DOP1A: variants seen among roughly 807,000 people sequenced by gnomAD.
DOP1A encodes protein DOP1A.
A neutral mutation model predicts 267.6 loss-of-function variants in DOP1A; 90 were observed. The observed-to-expected ratio is 0.34, with a 90% CI of 0.28 to 0.40. The LOEUF is 0.40. Ranked by LOEUF, DOP1A falls within the 10% of genes least tolerant of loss-of-function variation. The probability of loss-of-function intolerance (pLI) is 1.00; values close to 1 mark genes in which losing one functional copy is unlikely to be tolerated. For missense variants in DOP1A, 2,437 were observed against 2,900.4 expected, an observed-to-expected ratio of 0.84 and a Z score of 3.67; for synonymous variants, 932 against 999.1, an observed-to-expected ratio of 0.93 and a Z score of 1.27.
chr6:83,093,142 A>T (rs1770777940), intron 1 of DOP1A, among the ~76,000 whole-genome samples: 1 of 152,160 alleles, frequency 6.6e-6, no homozygotes, highest in African/African-American at 2.4e-5. Flanking sequence ...CTCTACTCTC[A>T]CTGTCCCAAT....
chr6:83,166,725 A>C (rs1785771055), intron 38 of DOP1A: 1 of 1,195,176 alleles, frequency 8.4e-7, no homozygotes. Flanking sequence ...AATAAGCAAT[A>C]AGCTTGAGAG....
Position 83,138,735 on chromosome 6 carries a change from A to G in DOP1A, c.4693A>G (p.Ile1565Val), listed in dbSNP as rs140671585. ...AGAAGGTTTCTCAGAGGACAGCCTT[A>G]TTAATTTCTCAGAGGATGAATTTGA... Reference protein sequence around the residue: ...VEEGFSEDSLINFSEDEFDNG... With the variant: ...VEEGFSEDSLVNFSEDEFDNG... Residue 1565 changes from isoleucine to valine, a missense_variant, in exon 21 of 39, where the codon ATT becomes GTT. Ile to Val is a conservative substitution (Grantham distance 29). Around this residue, in one of 9 missense-constraint regions of DOP1A, gnomAD observed 878 missense variants for 992.9 expected, o/e 0.88. Coordinates refer to ENST00000349129, the MANE Select transcript of DOP1A (RefSeq NM_015018.4). The G allele has an allele frequency of 6.9e-4, 1,109 of 1,613,946 alleles. 1 individual carries two copies. Among genetic ancestry groups the G allele is most frequent in the Non-Finnish European group, 8.9e-4 (1,046 of 1,179,958 alleles).
At chr6:83,087,134 G>A (rs1211576009) in intron 1 of DOP1A, among the ~76,000 whole-genome samples, 1 of 152,128 alleles carries the variant, frequency 6.6e-6, no homozygotes, top group Non-Finnish European at 1.5e-5. Flanking sequence ...ATGGGTATAG[G>A]TGAAGATAGG....
chr6:83,164,614 T>C, intron 38 of DOP1A: 5 of 1,536,734 alleles, frequency 3.3e-6, no homozygotes, highest in Non-Finnish European at 3.5e-6. Context: ...CCAAGCATAC[T>C]TTTCACTGGA....
intron 37 of DOP1A, among the ~76,000 whole-genome samples, chr6:83,161,933 T>C (rs1053980829): frequency 3.3e-5 from 5 of 152,182 alleles, no homozygotes; most frequent in Admixed American, 3.3e-4. Flanking sequence ...ATCTAGGACA[T>C]TGGCTGTGGT....
chr6:83,166,817 G>T (rs532589992), intron 38 of DOP1A: 3 of 1,015,470 alleles, frequency 3.0e-6, no homozygotes, highest in Non-Finnish European at 3.5e-6. Flanking sequence ...GGTAAACAAT[G>T]AAAGTTTCTG....
rs140179729 is a variant in DOP1A at position 83,140,389 on chromosome 6, C to T, written c.5401C>T (p.Leu1801Phe). Residue 1801 changes from leucine to phenylalanine, a missense_variant, in exon 23 of 39, where the codon CTT becomes TTT. By Grantham distance (22) the Leu-to-Phe change is conservative (BLOSUM62 0). This residue lies in a region of DOP1A where 307 missense variants were observed against 308.6 expected (regional missense o/e 0.99). Transcript: ENST00000349129. ...ATCCGCATCTCTTACCACTATTAAT[C>T]TTGGAGCTACAAAGGTTAGACAATT... ...AASASLTTIN[L>F]GATKNLRQQI... is the part of the protein sequence containing the mutation. 127 of 1,607,280 alleles carry T rather than the reference C, an allele frequency of 7.9e-5. No homozygotes were observed. Among genetic ancestry groups the T allele is most frequent in the Non-Finnish European group, 1.0e-4 (123 of 1,178,106 alleles).
chr6:83,120,969 C>G (rs553482422), intron 10 of DOP1A, among the ~76,000 whole-genome samples, 178 bp downstream of exon 10: 1 of 151,828 alleles, frequency 6.6e-6, no homozygotes, highest in African/African-American at 2.4e-5. Flanking sequence ...CCACCTGATA[C>G]GTTATTATGT....
At chr6:83,152,906 C>T (rs1480895690) in intron 30 of DOP1A, among the ~76,000 whole-genome samples, 1 of 152,180 alleles carries the variant, frequency 6.6e-6, no homozygotes, top group Non-Finnish European at 1.5e-5. Flanking sequence ...GCATGAGCCA[C>T]CGCGCCCGGC....
At chr6:83,154,090 T>G in intron 32 of DOP1A, 47 bp downstream of exon 32, 1 of 1,612,906 alleles carries the variant, frequency 6.2e-7, no homozygotes. Flanking sequence ...CCTCACAGTC[T>G]GATGAAATCA....
chr6:83,077,726 T>C (rs1343879676), intron 1 of DOP1A, among the ~76,000 whole-genome samples: 1 of 152,162 alleles, frequency 6.6e-6, no homozygotes, highest in Non-Finnish European at 1.5e-5. Flanking sequence ...CATATGTACA[T>C]TTTTTACATT....
intron 1 of DOP1A, among the ~76,000 whole-genome samples, chr6:83,075,270 A>T (rs1004632798): frequency 2.0e-5 from 3 of 152,194 alleles, no homozygotes; most frequent in African/African-American, 7.2e-5. Flanking sequence ...TGGGTCAGGC[A>T]CTTTTCTAGG....
At chr6:83,090,272 A>G (rs1375889670) in intron 1 of DOP1A, among the ~76,000 whole-genome samples, 1 of 152,214 alleles carries the variant, frequency 6.6e-6, no homozygotes, top group Non-Finnish European at 1.5e-5. Flanking sequence ...AACTGGTTTG[A>G]CAAAATTAAG....
intron 1 of DOP1A, among the ~76,000 whole-genome samples, chr6:83,087,950 C>A (rs1289540916): frequency 6.6e-6 from 1 of 152,152 alleles, no homozygotes; most frequent in Non-Finnish European, 1.5e-5. Flanking sequence ...CAGCTCACTG[C>A]AAGCTCCGCC....
At chr6:83,121,407 G>A (rs12204453) in intron 10 of DOP1A, among the ~76,000 whole-genome samples, 14,238 of 151,666 alleles carry the variant, frequency 0.094, 847 homozygotes, top group East Asian at 0.15. Context: ...TGTTTTAGCT[G>A]TTATGGTAAC....
intron 7 of DOP1A, among the ~76,000 whole-genome samples, chr6:83,115,189 A>G (rs912137028): frequency 6.6e-6 from 1 of 152,180 alleles, no homozygotes. Flanking sequence ...TGAGATTATA[A>G]TAGACTTTTT....
chr6:83,085,595 A>G (rs976929669), intron 1 of DOP1A, among the ~76,000 whole-genome samples: 1 of 152,166 alleles, frequency 6.6e-6, no homozygotes, highest in Non-Finnish European at 1.5e-5. Context: ...TGCAAAAAAA[A>G]TTGGTGTATT....
intron 33 of DOP1A, 144 bp from the exon 34 acceptor site, chr6:83,155,807 T>C (rs907949196): frequency 2.3e-6 from 2 of 887,712 alleles, no homozygotes; most frequent in Non-Finnish European, 1.7e-6. Flanking sequence ...TGCCAGCCTG[T>C]CTGCCCCAGA....
At chr6:83,080,458 AATTATATCT>A (rs1241776958) in intron 1 of DOP1A, among the ~76,000 whole-genome samples, 1 of 152,180 alleles carries the variant, frequency 6.6e-6, no homozygotes, top group Non-Finnish European at 1.5e-5. Context: ...AACCCTCAGG[AATTATATCT>A]CCCTTTGCCA....
Sources: allele counts gnomAD v4.1 joint callset (sites outside exome capture counted in the v4.1 genomes callset), GRCh38; gene constraint gnomAD v4.1.1; regional missense constraint gnomAD v4.1.1; transcripts MANE v1.5; gene names NCBI Gene and HGNC (gene_info 2026-07-23, HGNC 2026-07-21).